The following SENP1 variants were observed in gnomAD, a reference collection of about 807,000 sequenced individuals.
The protein encoded by SENP1 is SUMO specific peptidase 1.
Under a neutral mutation model 93.0 loss-of-function variants are expected in SENP1, and 21 were observed. The observed-to-expected ratio is 0.23, with a 90% CI of 0.16 to 0.33. SENP1 has a LOEUF of 0.33. Ranked by LOEUF, SENP1 falls within the 10% of genes least tolerant of loss-of-function variation. The probability of loss-of-function intolerance (pLI) is 1.00; values close to 1 mark genes in which losing one functional copy is unlikely to be tolerated. For synonymous variants in SENP1, 256 were observed against 259.6 expected (o/e 0.99, Z 0.13); for missense variants, 591 against 758.7 (o/e 0.78, Z 2.60).
Position 48,045,291 on chromosome 12 carries a change from C to A in SENP1, c.*31G>T, listed in dbSNP as rs779699449. 22 of 1,596,128 alleles carry A rather than the reference C, an allele frequency of 1.4e-5. No homozygotes were observed. Among genetic ancestry groups the A allele is most frequent in the Non-Finnish European group, 1.8e-5 (21 of 1,164,182 alleles). On this transcript the variant is annotated 3_prime_UTR_variant, in exon 18 of 18. Coordinates refer to ENST00000549518, the MANE Select transcript of SENP1 (RefSeq NM_001267594.2). The stretch of plus-strand genomic sequence containing the variant: ...TAGACAACAAAGAGCTGGTCCCCCA[C>A]ATGGTCAAGGTCTGCTAAGTGAGAC...
intron 5 of SENP1, among the ~76,000 whole-genome samples, chr12:48,086,331 A>G (rs1051486384): frequency 6.6e-6 from 1 of 152,230 alleles, no homozygotes; most frequent in Non-Finnish European, 1.5e-5. Context: ...AAAAGTGATA[A>G]AATTAGAAAA....
chr12:48,059,764 G>A (rs1942833160), intron 13 of SENP1, among the ~76,000 whole-genome samples: 1 of 152,128 alleles, frequency 6.6e-6, no homozygotes, highest in South Asian at 2.1e-4. Context: ...GGCTTTTGAG[G>A]TTTGTTTTTA....
At chr12:48,079,289 G>A (rs971375792) in intron 6 of SENP1, among the ~76,000 whole-genome samples, 1 of 152,074 alleles carries the variant, frequency 6.6e-6, no homozygotes, top group Non-Finnish European at 1.5e-5. Flanking sequence ...CATGAAGTCA[G>A]TAGATCGAGA....
At chr12:48,099,306 T>C (rs10161358) in intron 2 of SENP1, among the ~76,000 whole-genome samples, 107,712 of 151,892 alleles carry the variant, frequency 0.71, 39,124 homozygotes, top group East Asian at 0.99. Flanking sequence ...CCAGCCTGGG[T>C]GACAGAGTGA....
intron 15 of SENP1, among the ~76,000 whole-genome samples, 199 bp from the exon 16 acceptor site, chr12:48,047,261 C>T (rs1323568996): frequency 6.6e-6 from 1 of 152,206 alleles, no homozygotes; most frequent in Admixed American, 6.5e-5. Flanking sequence ...TAGCTTGTCT[C>T]TTCTAATGTC....
At chr12:48,051,475 A>G (rs1215662472) in intron 13 of SENP1, among the ~76,000 whole-genome samples, 1 of 152,212 alleles carries the variant, frequency 6.6e-6, no homozygotes, top group African/African-American at 2.4e-5. Context: ...TCCCCACATT[A>G]GCTGAGAATG....
intron 9 of SENP1, among the ~76,000 whole-genome samples, chr12:48,069,152 C>CAAAAAAAAAAAAAAAAAAAAAAAAAA (rs10564674): frequency 1.3e-5 from 1 of 76,336 alleles, no homozygotes. Flanking sequence ...GACTCTGTCA[C>CAAAAAAAAAAAAAAAAAAAAAAAAAA]AAAAAAAAAA....
intron 13 of SENP1, among the ~76,000 whole-genome samples, chr12:48,054,516 G>A (rs745776923): frequency 2.0e-5 from 3 of 152,214 alleles, no homozygotes; most frequent in Non-Finnish European, 4.4e-5. Context: ...TTGGCCAGGC[G>A]CAGTGGCTCA....
intron 8 of SENP1, among the ~76,000 whole-genome samples, chr12:48,073,902 T>A (rs1371376581): frequency 6.6e-6 from 1 of 152,208 alleles, no homozygotes; most frequent in African/African-American, 2.4e-5. Context: ...ATCATTTGCA[T>A]CTTGAGGTAA....
chr12:48,062,400 A>T (rs1178065984), intron 13 of SENP1, among the ~76,000 whole-genome samples: 2 of 152,230 alleles, frequency 1.3e-5, no homozygotes, highest in African/African-American at 2.4e-5. Context: ...AGAGGCAAAG[A>T]GGGTTTCTTC....
intron 6 of SENP1, among the ~76,000 whole-genome samples, chr12:48,075,533 C>T (rs1944005906): frequency 6.6e-6 from 1 of 152,122 alleles, no homozygotes; most frequent in Non-Finnish European, 1.5e-5. Flanking sequence ...CAACAGTTTC[C>T]TATTTTATTT....
At chr12:48,047,780 A>C (rs1474287246) in intron 15 of SENP1, among the ~76,000 whole-genome samples, 1 of 152,202 alleles carries the variant, frequency 6.6e-6, no homozygotes, top group East Asian at 1.9e-4. Flanking sequence ...CTTTATATCT[A>C]GTCTACATTT....
In SENP1 at chr12:48,061,910, A is replaced by C. The variant is rs536266189; in HGVS notation, c.1407+1800T>G. Among the ~76,000 whole-genome samples, 208 of 152,282 alleles carry C rather than the reference A, an allele frequency of 1.4e-3. 1 individual carries two copies. Among genetic ancestry groups the C allele is most frequent in the Non-Finnish European group, 2.0e-3 (138 of 68,022 alleles). On this transcript the variant is annotated intron_variant, in intron 13 of 17. Coordinates refer to ENST00000549518, the MANE Select transcript of SENP1 (RefSeq NM_001267594.2). ...TCAAGGATAACATCATTCTGAACTG[A>C]GAAGAAATGCACTCCTTCTACAAAA...
At position 48,045,203 on chromosome 12, in the gene SENP1, C is replaced by A; in HGVS notation, c.*119G>T. On this transcript the variant is annotated 3_prime_UTR_variant, in exon 18 of 18. Transcript: ENST00000549518. ...TGAATGCATCTCGCCAGGGCCTGGT[C>A]CAGGATCAAGGGTGTTACAACAGCA... is the stretch of plus-strand genomic sequence containing the variant. 1.3e-6 allele frequency: 1 copy of A among 767,200 alleles called. No homozygotes were observed. Among genetic ancestry groups the A allele is most frequent in the South Asian group, 1.5e-5 (1 of 64,814 alleles). The allele number at this position is 767,200 out of a possible 1,614,324, so 47.5% of individuals were successfully genotyped here. A position where few individuals can be genotyped will look rare whatever the true frequency, so the allele number is the denominator to read the frequency against.
At chr12:48,059,206 C>A (rs1209683761) in intron 13 of SENP1, among the ~76,000 whole-genome samples, 7 of 152,086 alleles carry the variant, frequency 4.6e-5, no homozygotes, top group African/African-American at 1.7e-4. Flanking sequence ...ACCACCTATG[C>A]CCCCACCTTT....
intron 1 of SENP1, among the ~76,000 whole-genome samples, chr12:48,102,646 A>C (rs1399368580): frequency 6.6e-6 from 1 of 151,884 alleles, no homozygotes; most frequent in African/African-American, 2.4e-5. Flanking sequence ...TAGCAATACT[A>C]GGGCTTCAAT....
intron 1 of SENP1, chr12:48,105,256 G>C (rs533878801): frequency 2.5e-6 from 1 of 404,692 alleles, no homozygotes; most frequent in African/African-American, 2.1e-5. Flanking sequence ...AAGTGATAAA[G>C]AAGCAAGTTA....
At chr12:48,089,331 G>T (rs781008101) in intron 4 of SENP1, 2 of 1,341,262 alleles carry the variant, frequency 1.5e-6, no homozygotes, top group African/African-American at 1.5e-5. Flanking sequence ...GAAAGCAGGT[G>T]GGGGGCCAGT....
chr12:48,065,461 C>A (rs1393867621), intron 11 of SENP1, 135 bp downstream of exon 11: 5 of 655,022 alleles, frequency 7.6e-6, no homozygotes, highest in Non-Finnish European at 1.1e-5. Flanking sequence ...ACATTTACGA[C>A]ATATCATAAC....
Sources: allele counts gnomAD v4.1 joint callset (sites outside exome capture counted in the v4.1 genomes callset), GRCh38; gene constraint gnomAD v4.1.1; transcripts MANE v1.5; gene names NCBI Gene and HGNC (gene_info 2026-07-23, HGNC 2026-07-21).